Variants in TOX3 observed in about 807,000 individuals in gnomAD.
TOX3 encodes the protein TOX high mobility group box family member 3, also known as CAG trinucleotide repeat-containing gene F9 protein.
Under a neutral mutation model 64.3 loss-of-function variants are expected in TOX3, and 22 were observed. The ratio of observed to expected loss-of-function variants is 0.34; its 90% CI spans 0.24 to 0.49. The LOEUF (loss-of-function observed/expected upper bound fraction) is 0.49, where lower values mean the gene tolerates loss of function less well. TOX3 is among the 20% of genes least tolerant of loss of function. TOX3 has a pLI of 0.99. For synonymous variants in TOX3, 291 were observed against 273.6 expected, an observed-to-expected ratio of 1.06 and a Z score of -0.63; for missense variants, 661 against 714.4, an observed-to-expected ratio of 0.93 and a Z score of 0.85.
At chr16:52,535,060 A>G (rs1002414890) in intron 1 of TOX3, among the ~76,000 whole-genome samples, 1 of 152,214 alleles carries the variant, frequency 6.6e-6, no homozygotes, top group Admixed American at 6.5e-5. Flanking sequence ...TCTCTCACCA[A>G]AAGAGGATCA....
At chr16:52,515,185 T>TAA (rs11415785) in intron 1 of TOX3, among the ~76,000 whole-genome samples, 1,516 of 138,618 alleles carry the variant, frequency 0.011, 29 homozygotes, top group African/African-American at 0.035. Context: ...CTATGAATGT[T>TAA]AAAAAAAAAA....
At chr16:52,484,230 T>C (rs956254031) in intron 1 of TOX3, among the ~76,000 whole-genome samples, 7 of 152,234 alleles carry the variant, frequency 4.6e-5, no homozygotes, top group African/African-American at 1.7e-4. Context: ...AAGATAAATA[T>C]TCTAGAAAGG....
At chr16:52,472,590 G>T (rs915421293) in intron 1 of TOX3, among the ~76,000 whole-genome samples, 1 of 152,028 alleles carries the variant, frequency 6.6e-6, no homozygotes, top group Non-Finnish European at 1.5e-5. Flanking sequence ...CTCCACTGAT[G>T]TCCCCTCAAA....
intron 1 of TOX3, among the ~76,000 whole-genome samples, chr16:52,543,716 T>G (rs191495347): frequency 2.0e-5 from 3 of 152,346 alleles, no homozygotes; most frequent in Admixed American, 1.3e-4. Flanking sequence ...TAACTGATTT[T>G]AATGATCCTG....
At chr16:52,450,643 G>A in intron 3 of TOX3, 97 bp from the exon 4 acceptor site, 4 of 1,483,176 alleles carry the variant, frequency 2.7e-6, no homozygotes, top group Non-Finnish European at 3.7e-6. Context: ...TTGAACTGTT[G>A]CAATGTTGAT....
intron 1 of TOX3, among the ~76,000 whole-genome samples, chr16:52,469,078 T>G: frequency 6.6e-6 from 1 of 152,174 alleles, no homozygotes; most frequent in East Asian, 1.9e-4. Context: ...GAATATAAAT[T>G]GTAAGACTAA....
chr16:52,444,498 T>G, intron 5 of TOX3, 142 bp from the exon 6 acceptor site: 2 of 324,962 alleles, frequency 6.2e-6, no homozygotes. Context: ...TGTTAGCGCA[T>G]GCACACACAC....
intron 1 of TOX3, among the ~76,000 whole-genome samples, chr16:52,536,738 C>T (rs1465265468): frequency 7.0e-6 from 1 of 142,624 alleles, no homozygotes; most frequent in Non-Finnish European, 1.5e-5. Context: ...CACTGAGAAT[C>T]TTATTCCCAT....
intron 1 of TOX3, among the ~76,000 whole-genome samples, chr16:52,472,165 G>A (rs1961067424): frequency 6.6e-6 from 1 of 152,212 alleles, no homozygotes; most frequent in Admixed American, 6.5e-5. Context: ...GCTCTGAGAA[G>A]GCCCACAGTT....
chr16:52,476,373 A>G (rs1281594413), intron 1 of TOX3, among the ~76,000 whole-genome samples: 2 of 152,232 alleles, frequency 1.3e-5, no homozygotes, highest in African/African-American at 4.8e-5. Flanking sequence ...AAAAGTGGCA[A>G]AAAAGAAAAA....
chr16:52,531,383 A>G (rs1362787270), intron 1 of TOX3, among the ~76,000 whole-genome samples: 1 of 152,160 alleles, frequency 6.6e-6, no homozygotes, highest in Non-Finnish European at 1.5e-5. Flanking sequence ...TTTCCAAGGA[A>G]TTTTATTTTT....
chr16:52,487,124 T>C (rs1390644895), intron 1 of TOX3, among the ~76,000 whole-genome samples: 1 of 151,956 alleles, frequency 6.6e-6, no homozygotes, highest in African/African-American at 2.4e-5. Context: ...ACTATTTTCT[T>C]ATAATAAAGC....
intron 1 of TOX3, among the ~76,000 whole-genome samples, chr16:52,480,695 T>C (rs1187184698): frequency 6.6e-6 from 1 of 152,248 alleles, no homozygotes; most frequent in Non-Finnish European, 1.5e-5. Flanking sequence ...TGAGTTAGTG[T>C]GAATTCCACC....
chr16:52,489,164 A>G (rs73586898), intron 1 of TOX3, among the ~76,000 whole-genome samples: 1,948 of 151,846 alleles, frequency 0.013, 54 homozygotes, highest in African/African-American at 0.043. Flanking sequence ...CTGTCAATTT[A>G]CCTCTCATTT....
intron 1 of TOX3, among the ~76,000 whole-genome samples, chr16:52,534,038 G>A (rs570978081): frequency 6.6e-6 from 1 of 152,262 alleles, no homozygotes; most frequent in African/African-American, 2.4e-5. Flanking sequence ...AAAGATTGGA[G>A]GTCCCCTCTA....
intron 2 of TOX3, among the ~76,000 whole-genome samples, chr16:52,465,005 CTTTTTTTTTTTTT>C (rs1168498170): frequency 1.8e-4 from 13 of 70,942 alleles, no homozygotes; most frequent in South Asian, 1.3e-3. Flanking sequence ...TTAATGCATT[CTTTTTTTTTTTTT>C]TTTTTTTTTT....
chr16:52,496,402 T>A (rs1961851289), intron 1 of TOX3, among the ~76,000 whole-genome samples: 1 of 152,222 alleles, frequency 6.6e-6, no homozygotes, highest in Admixed American at 6.5e-5. Context: ...TGTCTTTGTA[T>A]TGTTCAATAT....
At chr16:52,535,268 G>C (rs1209909827) in intron 1 of TOX3, among the ~76,000 whole-genome samples, 5 of 152,174 alleles carry the variant, frequency 3.3e-5, no homozygotes, top group Non-Finnish European at 5.9e-5. Flanking sequence ...GTAATTGAGA[G>C]TTTCACTGGG....
At chr16:52,478,519 A>G (rs1158032453) in intron 1 of TOX3, among the ~76,000 whole-genome samples, 2 of 152,170 alleles carry the variant, frequency 1.3e-5, no homozygotes. Context: ...ATCACTGACT[A>G]ATGTACTGGA....
Sources: gnomAD v4.1 joint callset for allele counts (sites outside exome capture counted in the v4.1 genomes callset) on GRCh38, gnomAD v4.1.1 for gene constraint, MANE v1.5 for transcripts, NCBI Gene and HGNC (gene_info 2026-07-23, HGNC 2026-07-21) for gene names.